Variants in OTOA observed in about 807,000 individuals in gnomAD.
OTOA encodes cancer/testis antigen 108.
Under a neutral mutation model 110.8 loss-of-function variants are expected in OTOA, and 70 were observed. The ratio of observed to expected loss-of-function variants is 0.63; its 90% confidence interval spans 0.52 to 0.77. The LOEUF (loss-of-function observed/expected upper bound fraction) is 0.77. Ranked by LOEUF, OTOA falls within the 30% of genes least tolerant of loss-of-function variation. OTOA has a pLI of 0.00. For synonymous variants in OTOA, 373 were observed against 431.5 expected (o/e 0.86, Z 1.68); for missense variants, 917 against 1,075.8 (o/e 0.85, Z 2.06).
Position 21,710,099 on chromosome 16 carries a change from A to G in OTOA, c.1316A>G (p.Glu439Gly). The G allele has an allele frequency of 6.2e-7, 1 of 1,612,130 alleles. No homozygotes were observed. Among genetic ancestry groups the G allele is most frequent in the Non-Finnish European group, 8.5e-7 (1 of 1,179,098 alleles). ...IILSAKYLAH[E>G]KVLSFYNVSQ... ...TTGTCTGCCAAATACTTGGCCCATG[A>G]GAAGGTCAGCTGGAGTTTTAAACTC... is the stretch of plus-strand genomic sequence containing the variant. Residue 439 changes from glutamate to glycine, a missense_variant, in exon 13 of 29, where the codon GAG becomes GGG. Physicochemically the swap from Glu to Gly is moderately conservative, Grantham distance 98. Transcript: ENST00000646100.
At chr16:21,682,581 G>A (rs777973220) in intron 6 of OTOA, among the ~76,000 whole-genome samples, 12 of 152,334 alleles carry the variant, frequency 7.9e-5, no homozygotes, top group Non-Finnish European at 1.3e-4. Context: ...AATAGGGCTC[G>A]TGCCTGTGGT....
At chr16:21,755,447 CGTGTGTGTGTGTGT>C (rs4016992) in intron 27 of OTOA, among the ~76,000 whole-genome samples, 1,642 of 67,866 alleles carry the variant, frequency 0.024, 30 homozygotes, top group African/African-American at 0.084. Context: ...ACCACCCCAC[CGTGTGTGTGTGTGT>C]GTGTGTGTGT....
At chr16:21,733,377 C>A (rs1178843396) in intron 21 of OTOA, among the ~76,000 whole-genome samples, 1 of 151,354 alleles carries the variant, frequency 6.6e-6, no homozygotes, top group African/African-American at 2.4e-5. Flanking sequence ...CAAGAGGGAC[C>A]AATCCATGGT....
chr16:21,666,012 G>T (rs1222085865), intron 1 of OTOA, among the ~76,000 whole-genome samples: 1 of 151,950 alleles, frequency 6.6e-6, no homozygotes, highest in Non-Finnish European at 1.5e-5. Flanking sequence ...TTGTAGAAAT[G>T]GAGTCTCCCT....
chr16:21,697,021 C>T (rs1897956069), intron 9 of OTOA, among the ~76,000 whole-genome samples: 1 of 141,054 alleles, frequency 7.1e-6, no homozygotes, highest in Non-Finnish European at 1.5e-5. Flanking sequence ...TCCTGAGTAG[C>T]TGGGACTACA....
intron 13 of OTOA, among the ~76,000 whole-genome samples, chr16:21,710,453 T>C (rs193089282): frequency 2.0e-5 from 3 of 152,276 alleles, no homozygotes; most frequent in African/African-American, 7.2e-5. Flanking sequence ...TAAAGGCCTC[T>C]TAAAGGTCTC....
intron 13 of OTOA, among the ~76,000 whole-genome samples, chr16:21,711,666 G>A (rs568539801): frequency 3.3e-5 from 5 of 152,092 alleles, no homozygotes; most frequent in South Asian, 4.2e-4. Flanking sequence ...ACGAGGTTTC[G>A]CCATGTTGGC....
rs1187946011 is a variant in OTOA, at chr16:21,735,521, CTA to C, written c.2302-738_2302-737del. ...GATTTGGGTGGGGTACACATCCAAA[CTA>C]TGTCAAATATAAAGTTTAGTAAAAA... On this transcript the variant is annotated intron_variant, in intron 21 of 28. Transcript: ENST00000646100. 3.3e-5 allele frequency among the ~76,000 whole-genome samples: 5 copies of C among 152,250 alleles called. No homozygotes were observed. In the East Asian group the frequency reaches 7.7e-4, roughly 23 times the overall value.
intron 9 of OTOA, among the ~76,000 whole-genome samples, chr16:21,696,405 G>A (rs1482100000): frequency 6.6e-6 from 1 of 152,102 alleles, no homozygotes; most frequent in Non-Finnish European, 1.5e-5. Context: ...AGCATTGTAG[G>A]TGGTGAGCAG....
At chr16:21,706,848 A>AT (rs34052117) in intron 12 of OTOA, among the ~76,000 whole-genome samples, 50,890 of 123,188 alleles carry the variant, frequency 0.41, 10,557 homozygotes, top group Non-Finnish European at 0.5. Context: ...TATAAGATTC[A>AT]TTTTTTTTTT....
chr16:21,722,817 C>A, intron 17 of OTOA, 88 bp from the exon 18 acceptor site: 2 of 1,164,848 alleles, frequency 1.7e-6, no homozygotes, highest in Non-Finnish European at 2.6e-6. Flanking sequence ...ACGTATGAAG[C>A]ACTTAGAATA....
rs1369187378 is a variant in OTOA, at chr16:21,687,525, T to C, written c.512T>C (p.Leu171Pro). 6.2e-7 allele frequency: 1 copy of C among 1,614,100 alleles called. No individual in the cohort carries two copies. The highest frequency in any genetic ancestry group is 2.2e-5 in the East Asian group (1 of 44,880). The change falls in exon 8 of 29, where the codon CTG (leucine) becomes CCG (proline). Residue 171 changes from leucine to proline, a missense_variant. Physicochemically the swap from Leu to Pro is moderately conservative, Grantham distance 98. Coordinates refer to ENST00000646100, the MANE Select transcript of OTOA (RefSeq NM_144672.4). ...LITLERCFQMLNSLECVEILG... is the reference protein window; with the variant it reads ...LITLERCFQMPNSLECVEILG... ...ACACTGGAGAGGTGTTTCCAGATGC[T>C]GAACTCCCTGGAGTGTGTGGAGATC...
At chr16:21,685,751 C>T (rs764618399) in intron 7 of OTOA, among the ~76,000 whole-genome samples, 75 of 151,706 alleles carry the variant, frequency 4.9e-4, no homozygotes, top group Admixed American at 2.0e-4. Flanking sequence ...TTAGTAGAGA[C>T]GAGATTTTGC....
intron 1 of OTOA, among the ~76,000 whole-genome samples, chr16:21,674,412 C>T (rs527397469): frequency 2.9e-4 from 44 of 152,092 alleles, no homozygotes; most frequent in African/African-American, 1.1e-3. Flanking sequence ...CCAGTCACTG[C>T]AACCTCCGCC....
chr16:21,664,831 G>A (rs1966831502), intron 1 of OTOA, among the ~76,000 whole-genome samples: 1 of 151,916 alleles, frequency 6.6e-6, no homozygotes, highest in Non-Finnish European at 1.5e-5. Flanking sequence ...TATTAGCCAG[G>A]TGTGGTGGCG....
intron 1 of OTOA, among the ~76,000 whole-genome samples, chr16:21,677,357 T>G (rs1966860258): frequency 6.6e-6 from 1 of 152,196 alleles, no homozygotes; most frequent in Admixed American, 6.5e-5. Context: ...TTGCCCATTC[T>G]AGTGACTTTG....
intron 15 of OTOA, 102 bp downstream of exon 15, chr16:21,717,149 T>G: frequency 2.0e-6 from 3 of 1,512,806 alleles, no homozygotes; most frequent in Non-Finnish European, 2.7e-6. Flanking sequence ...AATTTATTTC[T>G]GTGGGATTAG....
chr16:21,708,007 G>A, intron 12 of OTOA, among the ~76,000 whole-genome samples: 1 of 151,796 alleles, frequency 6.6e-6, no homozygotes, highest in Non-Finnish European at 1.5e-5. Flanking sequence ...TGGCCAGGAT[G>A]ATCTCATTCT....
chr16:21,733,402 G>A (rs1597853720), intron 21 of OTOA, among the ~76,000 whole-genome samples: 1 of 152,012 alleles, frequency 6.6e-6, no homozygotes, highest in African/African-American at 2.4e-5. Context: ...AGCCCAGCCC[G>A]ACTGAGTCAG....
Sources: gnomAD v4.1 joint callset for allele counts (sites outside exome capture counted in the v4.1 genomes callset) on GRCh38, gnomAD v4.1.1 for gene constraint, MANE v1.5 for transcripts, NCBI Gene and HGNC (gene_info 2026-07-23, HGNC 2026-07-21) for gene names.